LRMDA: variants seen among roughly 807,000 people sequenced by gnomAD.
LRMDA encodes leucine rich melanocyte differentiation associated.
Under a neutral mutation model 29.8 loss-of-function variants are expected in LRMDA, and 18 were observed. The ratio of observed to expected loss-of-function variants is 0.60; its 90% CI spans 0.42 to 0.90. The LOEUF (loss-of-function observed/expected upper bound fraction) is 0.90, where lower values mean the gene tolerates loss of function less well. Among genes scored for constraint, LRMDA ranks in the 40% least tolerant of loss-of-function variants. The pLI is 0.00. For missense variants in LRMDA, 273 were observed against 273.9 expected (o/e 1.00, Z 0.02); for synonymous variants, 125 against 109.4 (o/e 1.14, Z -0.89).
intron 6 of LRMDA, among the ~76,000 whole-genome samples, chr10:76,446,831 G>A (rs1270759000): frequency 6.6e-6 from 1 of 152,188 alleles, no homozygotes; most frequent in Admixed American, 6.5e-5. Context: ...AGAGCCCTTT[G>A]GGCAGACCTG....
chr10:75,471,441 T>C (rs1038402998), intron 2 of LRMDA, among the ~76,000 whole-genome samples: 2 of 152,158 alleles, frequency 1.3e-5, no homozygotes, highest in African/African-American at 4.8e-5. Flanking sequence ...AGGGATTGTT[T>C]CTGCGATCTC....
At chr10:75,731,761 G>T (rs117756713) in intron 2 of LRMDA, among the ~76,000 whole-genome samples, 2 of 152,302 alleles carry the variant, frequency 1.3e-5, no homozygotes, top group East Asian at 3.9e-4. Context: ...ATGATGTCTG[G>T]CTAATTTTGG....
intron 5 of LRMDA, among the ~76,000 whole-genome samples, chr10:76,304,946 C>T (rs1419682155): frequency 6.6e-6 from 1 of 152,090 alleles, no homozygotes; most frequent in Non-Finnish European, 1.5e-5. Context: ...GGGCAGAGGG[C>T]CTTCTAGGAA....
intron 2 of LRMDA, among the ~76,000 whole-genome samples, chr10:75,644,774 G>C (rs1158746980): frequency 2.0e-5 from 3 of 152,154 alleles, no homozygotes; most frequent in Non-Finnish European, 4.4e-5. Flanking sequence ...CGTGGCTAGA[G>C]GTCCTGGAAA....
At chr10:75,974,886 G>A (rs1355403403) in intron 2 of LRMDA, among the ~76,000 whole-genome samples, 7 of 152,232 alleles carry the variant, frequency 4.6e-5, no homozygotes, top group African/African-American at 1.7e-4. Context: ...TTAATGCAAG[G>A]CACTGTATTA....
At chr10:76,516,152 G>A (rs1244952644) in intron 6 of LRMDA, among the ~76,000 whole-genome samples, 1 of 152,086 alleles carries the variant, frequency 6.6e-6, no homozygotes, top group Non-Finnish European at 1.5e-5. Flanking sequence ...AGGCAAATAT[G>A]AGCTCATGAT....
At chr10:75,807,144 C>T (rs1381276802) in intron 2 of LRMDA, among the ~76,000 whole-genome samples, 1 of 152,082 alleles carries the variant, frequency 6.6e-6, no homozygotes, top group African/African-American at 2.4e-5. Flanking sequence ...GGAGGTCGGT[C>T]CTGTTGCTGT....
intron 1 of LRMDA, among the ~76,000 whole-genome samples, chr10:75,437,806 C>T (rs2132021539): frequency 6.6e-6 from 1 of 152,346 alleles, no homozygotes; most frequent in Non-Finnish European, 1.5e-5. Context: ...CCCGGACACA[C>T]ATTGTTGCCC....
intron 2 of LRMDA, among the ~76,000 whole-genome samples, chr10:75,544,438 C>A (rs1213759981): frequency 2.0e-5 from 3 of 152,132 alleles, no homozygotes; most frequent in Non-Finnish European, 4.4e-5. Context: ...GGAACCTAAC[C>A]ATTATAGCAT....
chr10:76,188,746 A>G (rs1851191436), intron 5 of LRMDA, among the ~76,000 whole-genome samples: 1 of 152,072 alleles, frequency 6.6e-6, no homozygotes, highest in Non-Finnish European at 1.5e-5. Flanking sequence ...TTTTATCTGT[A>G]TTTGTAGGGA....
At chr10:76,320,567 A>C (rs1367389698) in intron 5 of LRMDA, among the ~76,000 whole-genome samples, 1 of 152,164 alleles carries the variant, frequency 6.6e-6, no homozygotes, top group African/African-American at 2.4e-5. Context: ...GGTTCATGTC[A>C]ATATAGGAGT....
At chr10:76,173,807 C>T (rs944759302) in intron 5 of LRMDA, among the ~76,000 whole-genome samples, 17 of 152,120 alleles carry the variant, frequency 1.1e-4, no homozygotes, top group South Asian at 4.1e-4. Context: ...ACTACAGGCA[C>T]GTGCCACCAC....
chr10:76,494,963 A>G (rs1487116643), intron 6 of LRMDA, among the ~76,000 whole-genome samples: 1 of 151,850 alleles, frequency 6.6e-6, no homozygotes, highest in Non-Finnish European at 1.5e-5. Flanking sequence ...ATCTTTCTTA[A>G]CAATGTCACA....
At chr10:76,442,110 T>C (rs1413906628) in intron 6 of LRMDA, among the ~76,000 whole-genome samples, 1 of 152,194 alleles carries the variant, frequency 6.6e-6, no homozygotes, top group Non-Finnish European at 1.5e-5. Context: ...TTCTTAAAGA[T>C]TAGTGTAAGG....
At chr10:76,001,048 G>A (rs1847554263) in intron 2 of LRMDA, among the ~76,000 whole-genome samples, 1 of 152,120 alleles carries the variant, frequency 6.6e-6, no homozygotes, top group Admixed American at 6.6e-5. Flanking sequence ...AGTGAAGTCA[G>A]GAATAAAACC....
At chr10:75,686,769 C>T (rs551651670) in intron 2 of LRMDA, among the ~76,000 whole-genome samples, 1 of 152,330 alleles carries the variant, frequency 6.6e-6, no homozygotes, top group Non-Finnish European at 1.5e-5. Flanking sequence ...AGATATAGTG[C>T]ATTTCTTACA....
intron 1 of LRMDA, among the ~76,000 whole-genome samples, chr10:75,438,057 CCCT>C (rs1443982025): frequency 1.3e-5 from 2 of 152,130 alleles, no homozygotes; most frequent in Admixed American, 6.5e-5. Context: ...TTGCAAAAGC[CCCT>C]GAGTGAGAGG....
Position 75,512,642 on chromosome 10 carries a change from T to G in LRMDA, c.131+74148T>G, listed in dbSNP as rs549364500. ...ACTGGCAGCTGGGAAGGGGCAGAACTGGTTTGGGTCGGAGTTCCCAGAGGA... is the reference window on the plus strand; with the variant it reads ...ACTGGCAGCTGGGAAGGGGCAGAACGGGTTTGGGTCGGAGTTCCCAGAGGA... On this transcript the variant is annotated intron_variant, in intron 2 of 6. Coordinates refer to ENST00000611255, the MANE Select transcript of LRMDA (RefSeq NM_001305581.2). Among the ~76,000 whole-genome samples, 23 of 152,196 alleles carry G rather than the reference T, an allele frequency of 1.5e-4. 1 individual carries two copies. In the South Asian group the frequency reaches 4.6e-3, roughly 30 times the overall value.
intron 5 of LRMDA, among the ~76,000 whole-genome samples, chr10:76,209,238 C>T (rs1321818318): frequency 1.3e-5 from 2 of 152,120 alleles, no homozygotes; most frequent in African/African-American, 2.4e-5. Context: ...TCACTCTCAC[C>T]TAAAAACAGA....
Sources: gnomAD v4.1 joint callset for allele counts (sites outside exome capture counted in the v4.1 genomes callset) on GRCh38, gnomAD v4.1.1 for gene constraint, MANE v1.5 for transcripts, NCBI Gene and HGNC (gene_info 2026-07-23, HGNC 2026-07-21) for gene names.